CNTNAP2: variants seen among roughly 807,000 people sequenced by gnomAD.
CNTNAP2 encodes the protein contactin-associated protein-like 2.
CNTNAP2 carries 98 observed loss-of-function variants against 155.2 expected under a neutral mutation model. The ratio of observed to expected loss-of-function variants is 0.63; its 90% CI spans 0.54 to 0.75. CNTNAP2 has a LOEUF of 0.75. Ranked by LOEUF, CNTNAP2 falls within the 30% of genes least tolerant of loss-of-function variation. The probability of loss-of-function intolerance (pLI) is 0.00; values close to 1 mark genes in which losing one functional copy is unlikely to be tolerated. For synonymous variants in CNTNAP2, 651 were observed against 631.2 expected (o/e 1.03, Z -0.47); for missense variants, 1,727 against 1,688.1 (o/e 1.02, Z -0.40).
chr7:147,052,260 A>G (rs1799486647), intron 4 of CNTNAP2, among the ~76,000 whole-genome samples: 1 of 152,140 alleles, frequency 6.6e-6, no homozygotes, highest in South Asian at 2.1e-4. Flanking sequence ...ATAATTCAAA[A>G]TAAAGTCAAC....
chr7:147,851,738 C>A (rs1340811270), intron 13 of CNTNAP2, among the ~76,000 whole-genome samples: 1 of 134,542 alleles, frequency 7.4e-6, no homozygotes, highest in Non-Finnish European at 1.5e-5. Context: ...GGAAGGGGAA[C>A]ATCACACACC....
intron 11 of CNTNAP2, among the ~76,000 whole-genome samples, chr7:147,513,432 C>G (rs1315523848): frequency 1.3e-5 from 2 of 152,192 alleles, no homozygotes; most frequent in East Asian, 3.9e-4. Context: ...GCCACTTTCT[C>G]TCTTTGAGGC....
chr7:147,285,142 TTAAGAA>T (rs1219168701), intron 8 of CNTNAP2, among the ~76,000 whole-genome samples: 1 of 151,674 alleles, frequency 6.6e-6, no homozygotes. Flanking sequence ...ATAAAGCAAT[TTAAGAA>T]TAATTGTTTC....
chr7:146,591,173 T>C (rs1003087169), intron 1 of CNTNAP2, among the ~76,000 whole-genome samples: 1 of 152,176 alleles, frequency 6.6e-6, no homozygotes, highest in African/African-American at 2.4e-5. Context: ...GTGTATATGG[T>C]ATATATAAAG....
At chr7:147,327,650 TA>T (rs1044134880) in intron 9 of CNTNAP2, among the ~76,000 whole-genome samples, 8 of 152,180 alleles carry the variant, frequency 5.3e-5, no homozygotes, top group Middle Eastern at 3.2e-3. Context: ...GAATGTGCAT[TA>T]TTTTTTCTCA....
chr7:146,179,285 G>C (rs1313984888), intron 1 of CNTNAP2, among the ~76,000 whole-genome samples: 1 of 152,080 alleles, frequency 6.6e-6, no homozygotes, highest in Admixed American at 6.6e-5. Flanking sequence ...TTAATAACTT[G>C]GGACATGGGG....
intron 1 of CNTNAP2, among the ~76,000 whole-genome samples, chr7:146,293,287 CATTGAAAACTCT>C (rs1800461476): frequency 6.6e-6 from 1 of 152,034 alleles, no homozygotes; most frequent in East Asian, 1.9e-4. Context: ...AGACTATATC[CATTGAAAACTCT>C]GTTGGACATT....
chr7:147,650,299 C>T (rs1795430416), intron 13 of CNTNAP2, among the ~76,000 whole-genome samples: 1 of 152,132 alleles, frequency 6.6e-6, no homozygotes, highest in African/African-American at 2.4e-5. Context: ...ATTCTGCAAA[C>T]ATTTATTGAG....
rs1796963634 is a variant in CNTNAP2 at position 147,404,130 on chromosome 7, T to TA, written c.1670+8352dup. ...GGAAATACCTTACTTTCATTCATGA[T>TA]AATTATTGATAAGAGGTAAAGGGGG... On this transcript the variant is annotated intron_variant, in intron 10 of 23. Transcript: ENST00000361727. Among the ~76,000 whole-genome samples the TA allele has an allele frequency of 2.6e-5, 4 of 152,326 alleles. No homozygotes were observed. In the South Asian group the frequency reaches 8.3e-4, roughly 32 times the overall value.
At chr7:146,739,407 C>T (rs985078953) in intron 1 of CNTNAP2, among the ~76,000 whole-genome samples, 1 of 151,850 alleles carries the variant, frequency 6.6e-6, no homozygotes, top group South Asian at 2.1e-4. Context: ...TTCACAGACT[C>T]ATTGATTGTT....
At chr7:147,880,202 C>T (rs930852400) in intron 13 of CNTNAP2, among the ~76,000 whole-genome samples, 1 of 152,154 alleles carries the variant, frequency 6.6e-6, no homozygotes, top group Admixed American at 6.5e-5. Flanking sequence ...CACAGGCACA[C>T]GGCCACACCT....
intron 20 of CNTNAP2, among the ~76,000 whole-genome samples, chr7:148,248,735 C>CT (rs890621737): frequency 6.6e-6 from 1 of 151,970 alleles, no homozygotes; most frequent in African/African-American, 2.4e-5. Flanking sequence ...ATAGAGCAGA[C>CT]TTTTTTTTAT....
At chr7:146,855,027 A>G (rs947414686) in intron 3 of CNTNAP2, among the ~76,000 whole-genome samples, 2 of 152,234 alleles carry the variant, frequency 1.3e-5, no homozygotes, top group African/African-American at 4.8e-5. Context: ...AAATATAGAA[A>G]CAGGCAAAAA....
intron 21 of CNTNAP2, among the ~76,000 whole-genome samples, chr7:148,315,157 G>A (rs764064832): frequency 6.6e-6 from 1 of 152,184 alleles, no homozygotes; most frequent in East Asian, 1.9e-4. Context: ...GAGGACAGGG[G>A]ATTGATCTCC....
chr7:146,625,029 A>G (rs1799396030), intron 1 of CNTNAP2, among the ~76,000 whole-genome samples: 1 of 152,028 alleles, frequency 6.6e-6, no homozygotes, highest in Non-Finnish European at 1.5e-5. Flanking sequence ...AAATAGATAT[A>G]CAAGTATCTG....
chr7:147,147,647 T>A (rs1417263794), intron 8 of CNTNAP2, among the ~76,000 whole-genome samples: 1 of 152,030 alleles, frequency 6.6e-6, no homozygotes, highest in Non-Finnish European at 1.5e-5. Flanking sequence ...AGCTTAGAAG[T>A]TCCTCCTCCT....
intron 1 of CNTNAP2, among the ~76,000 whole-genome samples, chr7:146,401,895 T>G (rs1310853209): frequency 6.6e-6 from 1 of 152,160 alleles, no homozygotes; most frequent in Non-Finnish European, 1.5e-5. Flanking sequence ...GCAAAAGAAA[T>G]TTCATATCCT....
chr7:147,706,982 G>T (rs1309698732), intron 13 of CNTNAP2, among the ~76,000 whole-genome samples: 1 of 151,604 alleles, frequency 6.6e-6, no homozygotes, highest in Non-Finnish European at 1.5e-5. Flanking sequence ...TTTCTGTTTG[G>T]TCCTTTTCTG....
intron 20 of CNTNAP2, among the ~76,000 whole-genome samples, chr7:148,256,280 T>A (rs1323965409): frequency 2.0e-5 from 3 of 152,264 alleles, no homozygotes; most frequent in East Asian, 3.9e-4. Flanking sequence ...TCTTCACAGA[T>A]GATTCTGCTC....
Sources: allele counts gnomAD v4.1 joint callset (sites outside exome capture counted in the v4.1 genomes callset), GRCh38; gene constraint gnomAD v4.1.1; transcripts MANE v1.5; gene names NCBI Gene and HGNC (gene_info 2026-07-23, HGNC 2026-07-21).